The following LRFN5 variants were observed in gnomAD, a reference collection of about 807,000 sequenced individuals.
LRFN5 encodes the protein leucine-rich repeat and fibronectin type-III domain-containing protein 5.
Under a neutral mutation model 45.6 loss-of-function variants are expected in LRFN5, and 24 were observed. The ratio of observed to expected loss-of-function variants is 0.53; its 90% CI spans 0.38 to 0.74. LRFN5 has a LOEUF of 0.74. Among genes scored for constraint, LRFN5 ranks in the 30% least tolerant of loss-of-function variants. The probability of loss-of-function intolerance (pLI) is 0.00; values close to 1 mark genes in which losing one functional copy is unlikely to be tolerated. For synonymous variants in LRFN5, 340 were observed against 313.8 expected (o/e 1.08, Z -0.88); for missense variants, 776 against 861.5 (o/e 0.90, Z 1.24).
chr14:41,697,311 T>A (rs12883547), intron 1 of LRFN5, among the ~76,000 whole-genome samples: 8 of 151,694 alleles, frequency 5.3e-5, no homozygotes, highest in African/African-American at 1.9e-4. Context: ...TTTTAATTTC[T>A]TTTGTTTCAA....
intron 1 of LRFN5, among the ~76,000 whole-genome samples, chr14:41,658,412 G>A (rs138399890): frequency 3.3e-5 from 5 of 152,026 alleles, no homozygotes; most frequent in African/African-American, 1.2e-4. Context: ...TTTGTCCAGG[G>A]AAAGAGGTGA....
At chr14:41,650,291 A>G (rs549420315) in intron 1 of LRFN5, among the ~76,000 whole-genome samples, 1 of 139,320 alleles carries the variant, frequency 7.2e-6, no homozygotes, top group Non-Finnish European at 1.6e-5. Context: ...TACTTGCAAC[A>G]CAGATGAGAG....
chr14:41,859,380 A>G (rs79527105), intron 2 of LRFN5, among the ~76,000 whole-genome samples: 3,276 of 152,316 alleles, frequency 0.022, 44 homozygotes, highest in African/African-American at 0.035. Flanking sequence ...ACAATTCTGC[A>G]GGTAAAACCA....
intron 4 of LRFN5, chr14:41,893,278 A>G: frequency 1.1e-6 from 1 of 950,282 alleles, no homozygotes; most frequent in Non-Finnish European, 1.3e-6. Flanking sequence ...AATTTACTGA[A>G]ATTAAGGTCT....
intron 2 of LRFN5, among the ~76,000 whole-genome samples, chr14:41,822,633 A>C (rs1888151294): frequency 6.6e-6 from 1 of 152,014 alleles, no homozygotes; most frequent in African/African-American, 2.4e-5. Context: ...TGTTGGGAAC[A>C]ATGTTCTGTA....
chr14:41,635,338 T>C (rs1030387933), intron 1 of LRFN5, among the ~76,000 whole-genome samples: 1 of 152,196 alleles, frequency 6.6e-6, no homozygotes, highest in African/African-American at 2.4e-5. Context: ...AGATTATGTA[T>C]TCACAGGCCT....
rs143357119 is a variant in LRFN5, at chr14:41,891,931, G to T, written c.2067G>T (p.Gly689=). Residue 689 remains glycine, a synonymous_variant, in exon 4 of 6, where the codon GGG becomes GGT. Transcript: ENST00000298119. ...ASRPPDSVTE[G]PTSKRAHIKP... ...GTCCTCCCGATTCTGTCACAGAGGG[G>T]CCCACGTCTAAAAGAGCACATATAA... 1.3e-4 allele frequency: 205 copies of T among 1,613,908 alleles called. No individual in the cohort carries two copies. In the African/African-American group the frequency reaches 2.1e-3, roughly 17 times the overall value.
chr14:41,875,919 G>T (rs756823324), intron 2 of LRFN5, among the ~76,000 whole-genome samples: 2 of 152,130 alleles, frequency 1.3e-5, no homozygotes, highest in African/African-American at 2.4e-5. Flanking sequence ...TATAGGCCAC[G>T]TATTTAACCA....
intron 2 of LRFN5, among the ~76,000 whole-genome samples, chr14:41,810,304 T>A (rs555326417): frequency 6.6e-6 from 1 of 152,166 alleles, no homozygotes; most frequent in South Asian, 2.1e-4. Flanking sequence ...CAAATTTTGT[T>A]AATTTTCCTG....
chr14:41,887,834 A>G lies in LRFN5; in HGVS notation c.1209A>G (p.Ser403=). The G allele has an allele frequency of 1.2e-6, 2 of 1,614,088 alleles. No homozygotes were observed. Among genetic ancestry groups the G allele is most frequent in the Non-Finnish European group, 1.7e-6 (2 of 1,180,008 alleles). The change falls in exon 3 of 6, where the codon TCA becomes TCG. Residue 403 remains serine, a synonymous_variant. Coordinates refer to ENST00000298119, the MANE Select transcript of LRFN5 (RefSeq NM_152447.5). The surrounding 1 kb of genome is among the most constrained non-coding windows in gnomAD (Gnocchi z 4.8). The stretch of plus-strand genomic sequence containing the variant: ...CAGATATCTCAACTTCTACCAAGTC[A>G]GGTTCTAATACAAGCAGTAGTAATG... The part of the protein sequence containing the change: ...GSSDISTSTK[S]GSNTSSSNGD...
At chr14:41,889,975 T>C (rs1486921065) in intron 3 of LRFN5, among the ~76,000 whole-genome samples, 1 of 152,136 alleles carries the variant, frequency 6.6e-6, no homozygotes, top group African/African-American at 2.4e-5. Flanking sequence ...GCAATTCTCC[T>C]GTCTCAGCCT....
At chr14:41,867,537 A>G (rs1332401185) in intron 2 of LRFN5, among the ~76,000 whole-genome samples, 1 of 152,086 alleles carries the variant, frequency 6.6e-6, no homozygotes, top group East Asian at 1.9e-4. Context: ...CCAGACTGCC[A>G]ATTAAGTTTT....
chr14:41,643,999 C>T (rs1378247391), intron 1 of LRFN5, among the ~76,000 whole-genome samples: 3 of 152,102 alleles, frequency 2.0e-5, no homozygotes, highest in South Asian at 2.1e-4. Context: ...CCCTTTATAA[C>T]ATGTGGTAAT....
In LRFN5 at chr14:41,887,087, G is replaced by A; in HGVS notation, c.462G>A (p.Leu154=). The A allele has an allele frequency of 6.2e-7, 1 of 1,613,860 alleles. No individual in the cohort carries two copies. Among genetic ancestry groups the A allele is most frequent in the Non-Finnish European group, 8.5e-7 (1 of 1,180,024 alleles). The change falls in exon 3 of 6, where the codon CTG becomes CTA. Residue 154 remains leucine (L), a synonymous_variant. Coordinates refer to ENST00000298119, the MANE Select transcript of LRFN5 (RefSeq NM_152447.5). The surrounding 1 kb of genome is among the most constrained non-coding windows in gnomAD (Gnocchi z 4.8). Reference sequence around the variant, plus strand: ...TCTTCGCCCTTGAGGAGCTGGATCTGTCCTATAATAATCTAGAAACCATTC... The same window carrying A: ...TCTTCGCCCTTGAGGAGCTGGATCTATCCTATAATAATCTAGAAACCATTC... ...DDVFALEELD[L]SYNNLETIPW...
chr14:41,686,777 T>C (rs571373236), intron 1 of LRFN5, among the ~76,000 whole-genome samples: 31 of 152,314 alleles, frequency 2.0e-4, no homozygotes, highest in South Asian at 1.0e-3. Context: ...GATGTGCATA[T>C]GTTGAAGCAG....
At chr14:41,650,928 G>A (rs1336041804) in intron 1 of LRFN5, among the ~76,000 whole-genome samples, 6 of 141,090 alleles carry the variant, frequency 4.3e-5, no homozygotes, top group Non-Finnish European at 6.2e-5. Flanking sequence ...AGGGAGGGAG[G>A]GAGAGGGAGA....
chr14:41,716,574 G>C (rs1460099862), intron 1 of LRFN5, among the ~76,000 whole-genome samples: 1 of 152,088 alleles, frequency 6.6e-6, no homozygotes, highest in Non-Finnish European at 1.5e-5. Flanking sequence ...CCTTATTCCA[G>C]TTCCCAACAA....
chr14:41,694,751 T>G (rs914635934), intron 1 of LRFN5, among the ~76,000 whole-genome samples: 2 of 152,008 alleles, frequency 1.3e-5, no homozygotes, highest in African/African-American at 4.8e-5. Context: ...ATTTCATTAT[T>G]ATTGTATCTG....
intron 2 of LRFN5, among the ~76,000 whole-genome samples, chr14:41,809,110 T>C (rs1887651458): frequency 6.6e-6 from 1 of 152,090 alleles, no homozygotes; most frequent in South Asian, 2.1e-4. Flanking sequence ...GCTATAGTTA[T>C]CTGGATTTTT....
Sources: allele counts gnomAD v4.1 joint callset (sites outside exome capture counted in the v4.1 genomes callset), GRCh38; gene constraint gnomAD v4.1.1; non-coding constraint Gnocchi (gnomAD v3.1); transcripts MANE v1.5; gene names NCBI Gene and HGNC (gene_info 2026-07-23, HGNC 2026-07-21).